Variants in TLE2 observed in about 807,000 individuals in gnomAD.
TLE2 encodes TLE family member 2, transcriptional corepressor, also known as transducin-like enhancer protein 2.
Under a neutral mutation model 97.2 loss-of-function variants are expected in TLE2, and 74 were observed. The ratio of observed to expected loss-of-function variants is 0.76; its 90% confidence interval spans 0.63 to 0.92. The LOEUF (loss-of-function observed/expected upper bound fraction) is 0.92. Ranked by LOEUF, TLE2 falls within the 40% of genes least tolerant of loss-of-function variation. TLE2 has a pLI of 0.00. For missense variants in TLE2, 1,038 were observed against 1,008.7 expected (o/e 1.03, Z -0.39); for synonymous variants, 499 against 432.1 (o/e 1.15, Z -1.92).
At chr19:2,998,705 G>A (rs535529326) in intron 19 of TLE2, among the ~76,000 whole-genome samples, 1 of 152,272 alleles carries the variant, frequency 6.6e-6, no homozygotes, top group African/African-American at 2.4e-5. Context: ...GAGCCACCGC[G>A]CCCGGCAGAG....
At chr19:3,036,997 T>C (rs924580312) in intron 1 of TLE2, among the ~76,000 whole-genome samples, 1 of 152,162 alleles carries the variant, frequency 6.6e-6, no homozygotes, top group Non-Finnish European at 1.5e-5. Flanking sequence ...ATTTAATAGA[T>C]GTTGGGGCAG....
intron 5 of TLE2, chr19:3,020,506 GA>G (rs1373498184): frequency 3.3e-5 from 5 of 151,652 alleles, no homozygotes; most frequent in Non-Finnish European, 7.4e-5. Context: ...TTAAGGAACA[GA>G]AAGTACCAGA....
intron 10 of TLE2, 94 bp downstream of exon 10, chr19:3,014,475 CA>C: frequency 8.2e-7 from 1 of 1,226,872 alleles, no homozygotes; most frequent in Non-Finnish European, 1.1e-6. Context: ...AGCGGGGAAC[CA>C]GGATCCCCAC....
In TLE2 at chr19:3,005,680, G is replaced by A. The variant is rs772521808; in HGVS notation, c.1748+41C>T. 4 of 1,607,764 alleles carry A rather than the reference G, an allele frequency of 2.5e-6. No individual in the cohort carries two copies. In the East Asian group the frequency reaches 8.9e-5, roughly 36 times the overall value. Reference sequence around the variant, plus strand: ...CTCCACTCCCCCTGCACCGAGAGCGGCCGGGGGCTTGCCCAAGGTCCCAGC... The same window carrying A: ...CTCCACTCCCCCTGCACCGAGAGCGACCGGGGGCTTGCCCAAGGTCCCAGC... On this transcript the variant is annotated intron_variant, in intron 16 of 19. Transcript: ENST00000262953.
At chr19:3,005,672 C>G in intron 16 of TLE2, 49 bp downstream of exon 16, 1 of 1,606,638 alleles carries the variant, frequency 6.2e-7, no homozygotes, top group African/African-American at 1.3e-5. Context: ...CCCCCTGCAC[C>G]GAGAGCGGCC....
chr19:3,008,933 A>G lies in TLE2; in HGVS notation c.1186T>C (p.Ser396Pro). The change falls in exon 14 of 20, where the codon TCT (serine) becomes CCT (proline). Residue 396 changes from serine (S) to proline (P), a missense_variant. Ser to Pro is a moderately conservative substitution (Grantham distance 74). Transcript: ENST00000262953. ...GATGACCCTCGGAGATGGGGATGAG[A>G]CTCAAATGCCATCTGTGAGAATGCC... ...YGRSPVMAFE[S>P]HPHLRGSSVS... The G allele has an allele frequency of 6.3e-7, 1 of 1,590,266 alleles. No individual in the cohort carries two copies. The highest frequency in any genetic ancestry group is 1.3e-5 in the African/African-American group (1 of 74,204).
intron 17 of TLE2, among the ~76,000 whole-genome samples, 162 bp from the exon 18 acceptor site, chr19:3,002,665 A>G (rs1160350531): frequency 1.3e-5 from 2 of 151,552 alleles, no homozygotes; most frequent in Non-Finnish European, 2.9e-5. Flanking sequence ...CAGCACCAGA[A>G]GCTGAGACTA....
intron 5 of TLE2, among the ~76,000 whole-genome samples, chr19:3,023,580 G>C (rs918888266): frequency 1.2e-4 from 18 of 152,128 alleles, no homozygotes; most frequent in African/African-American, 3.9e-4. Flanking sequence ...TCTCTGAAGA[G>C]AGAACGTACC....
intron 9 of TLE2, 25 bp downstream of exon 9, chr19:3,015,628 C>A: frequency 6.4e-7 from 1 of 1,567,816 alleles, no homozygotes; most frequent in Non-Finnish European, 8.7e-7. Flanking sequence ...ACGCCCATCC[C>A]AGTCCTGCAC....
intron 1 of TLE2, among the ~76,000 whole-genome samples, chr19:3,035,435 G>A (rs923312590): frequency 6.6e-5 from 10 of 152,038 alleles, no homozygotes; most frequent in African/African-American, 2.4e-4. Flanking sequence ...GCTGCCAGAG[G>A]GGAAAAGGAG....
rs370831904 is a variant in TLE2, at chr19:3,027,919, G to A, written c.187-46C>T. On this transcript the variant is annotated intron_variant, in intron 3 of 19. Coordinates refer to ENST00000262953, the MANE Select transcript of TLE2 (RefSeq NM_003260.5). ...AAGAACGTCTAGGGTGGAGATGGGTGCCCTCCTCCAGATAGGTGATGCCAG... is the reference window on the plus strand; with the variant it reads ...AAGAACGTCTAGGGTGGAGATGGGTACCCTCCTCCAGATAGGTGATGCCAG... The A allele has an allele frequency of 7.6e-6, 12 of 1,572,730 alleles. No individual in the cohort carries two copies. The African/African-American group carries it at 1.3e-4, about 18-fold the overall frequency.
chr19:3,005,788 C>T lies in TLE2; in HGVS notation c.1681G>A (p.Val561Ile), dbSNP rs1282475313. The T allele has an allele frequency of 3.7e-6, 6 of 1,613,986 alleles. No homozygotes were observed. The African/African-American group carries it at 5.3e-5, about 14-fold the overall frequency. ...CCATCGCTGCAGCAGGAGAAGCAAACCTTGGCGTCGGGGCTGACGGCCAGG... is the reference window on the plus strand; with the variant it reads ...CCATCGCTGCAGCAGGAGAAGCAAATCTTGGCGTCGGGGCTGACGGCCAGG... ...YALAVSPDAK[V>I]CFSCCSDGNI... The change falls in exon 16 of 20, where the codon GTT becomes ATT. Residue 561 changes from valine to isoleucine, a missense_variant. Coordinates refer to ENST00000262953, the MANE Select transcript of TLE2 (RefSeq NM_003260.5).
rs532303025 is a variant in TLE2 at position 3,012,392 on chromosome 19, T to G, written c.874-1232A>C. On this transcript the variant is annotated intron_variant, in intron 11 of 19. Coordinates refer to ENST00000262953, the MANE Select transcript of TLE2 (RefSeq NM_003260.5). ...CTCCATGCCCGGCTAACTTTTTAAA[T>G]TTTTCATAGAGACAAGGTCTCACTA... Among the ~76,000 whole-genome samples, 9 of 152,290 alleles carry G rather than the reference T, an allele frequency of 5.9e-5. No homozygotes were observed. The East Asian group carries it at 1.5e-3, about 26-fold the overall frequency.
intron 1 of TLE2, among the ~76,000 whole-genome samples, chr19:3,041,014 T>TATATATATATGTATATATATATATATA (rs55998855): frequency 2.0e-4 from 4 of 20,168 alleles, no homozygotes; most frequent in Admixed American, 1.7e-3. Flanking sequence ...TATATATATA[T>TATATATATATGTATATATATATATATA]TTTTTTTTTT....
intron 11 of TLE2, among the ~76,000 whole-genome samples, chr19:3,012,159 A>C (rs1473356216): frequency 6.6e-6 from 1 of 152,184 alleles, no homozygotes; most frequent in Non-Finnish European, 1.5e-5. Context: ...AGGCTGAGGC[A>C]GGAGAATCTC....
intron 13 of TLE2, among the ~76,000 whole-genome samples, chr19:3,009,224 C>G (rs1227583019): frequency 6.6e-6 from 1 of 152,196 alleles, no homozygotes; most frequent in East Asian, 1.9e-4. Context: ...GGCCAGGGTT[C>G]TGAAAACTCC....
chr19:3,011,449 A>G (rs922050815), intron 11 of TLE2, among the ~76,000 whole-genome samples: 4 of 145,484 alleles, frequency 2.7e-5, no homozygotes, highest in African/African-American at 1.0e-4. Flanking sequence ...GGAGAATGGC[A>G]TGAACCCGGG....
intron 1 of TLE2, among the ~76,000 whole-genome samples, chr19:3,038,257 G>A (rs1019722203): frequency 5.3e-5 from 8 of 152,174 alleles, no homozygotes; most frequent in African/African-American, 1.9e-4. Context: ...ACCCAGTCTG[G>A]AGTGCAGTGC....
chr19:3,005,323 A>G (rs1334260830), intron 17 of TLE2, 114 bp downstream of exon 17: 1 of 1,371,042 alleles, frequency 7.3e-7, no homozygotes, highest in Non-Finnish European at 9.8e-7. Flanking sequence ...TGGACACCAC[A>G]GCAGATGGGA....
Sources: gnomAD v4.1 joint callset for allele counts (sites outside exome capture counted in the v4.1 genomes callset) on GRCh38, gnomAD v4.1.1 for gene constraint, MANE v1.5 for transcripts, NCBI Gene and HGNC (gene_info 2026-07-23, HGNC 2026-07-21) for gene names.